HMCN1: variants seen among roughly 807,000 people sequenced by gnomAD.
HMCN1 encodes the protein hemicentin 1.
A neutral mutation model predicts 625.9 loss-of-function variants in HMCN1; 321 were observed. The observed-to-expected ratio is 0.51, with a 90% CI of 0.47 to 0.56. HMCN1 has a LOEUF of 0.56. HMCN1 is among the 20% of genes least tolerant of loss of function. HMCN1 has a pLI of 0.00. For missense variants in HMCN1, 6,588 were observed against 6,887.3 expected, an observed-to-expected ratio of 0.96 and a Z score of 1.54; for synonymous variants, 2,425 against 2,417.6, an observed-to-expected ratio of 1.00 and a Z score of -0.09.
chr1:186,068,044 C>G (rs766101949), intron 50 of HMCN1, 37 bp downstream of exon 50: 23 of 1,506,360 alleles, frequency 1.5e-5, no homozygotes, highest in Non-Finnish European at 2.1e-5. Flanking sequence ...GATGCATCTG[C>G]GTCATCTACT....
rs191395480 is a variant in HMCN1, at chr1:185,940,625, T to C, written c.1828+6801T>C. On this transcript the variant is annotated intron_variant, in intron 11 of 106. Transcript: ENST00000271588. ...ATTATAGCACACTCCCAAATCATGA[T>C]TGGGGCAGAACTTAACTTTAACAAA... Among the ~76,000 whole-genome samples the C allele has an allele frequency of 1.3e-3, 197 of 152,374 alleles. 1 individual carries two copies. The highest frequency in any genetic ancestry group is 1.9e-3 in the African/African-American group (79 of 41,592).
At chr1:185,802,488 T>C (rs1448850104) in intron 1 of HMCN1, among the ~76,000 whole-genome samples, 1 of 152,110 alleles carries the variant, frequency 6.6e-6, no homozygotes, top group Non-Finnish European at 1.5e-5. Context: ...AATAGGCCTT[T>C]AGGAGCTGTA....
At chr1:186,071,095 T>C (rs1034093828) in intron 52 of HMCN1, among the ~76,000 whole-genome samples, 2 of 152,156 alleles carry the variant, frequency 1.3e-5, no homozygotes, top group Non-Finnish European at 2.9e-5. Flanking sequence ...AGGGAAACAG[T>C]TCTTTTCATT....
chr1:186,187,780 A>G, intron 105 of HMCN1, 103 bp from the exon 106 acceptor site: 1 of 1,462,552 alleles, frequency 6.8e-7, no homozygotes, highest in South Asian at 1.1e-5. Context: ...ATGGCAGGAG[A>G]AGGCTAGCCC....
chr1:185,938,653 G>C (rs775244484), intron 11 of HMCN1, among the ~76,000 whole-genome samples: 1 of 152,006 alleles, frequency 6.6e-6, no homozygotes, highest in African/African-American at 2.4e-5. Flanking sequence ...CCAATTTTTG[G>C]CAGCATCATT....
rs143680184 is a variant in HMCN1 at position 185,754,720 on chromosome 1, T to C, written c.268+19673T>C. On this transcript the variant is annotated intron_variant, in intron 1 of 106. Coordinates refer to ENST00000271588, the MANE Select transcript of HMCN1 (RefSeq NM_031935.3). ...CAAATTAACCAGGCATGATGGCAGATGCCTGTAGTCCCAGCTACTTGGGAG... is the reference window on the plus strand; with the variant it reads ...CAAATTAACCAGGCATGATGGCAGACGCCTGTAGTCCCAGCTACTTGGGAG... Among the ~76,000 whole-genome samples, 1,406 of 152,214 alleles carry C rather than the reference T, an allele frequency of 9.2e-3. 19 individuals carry two copies. Among genetic ancestry groups the C allele is most frequent in the African/African-American group, 0.029 (1,222 of 41,532 alleles).
rs185950524 is a variant in HMCN1 at position 186,057,975 on chromosome 1, C to T, written c.7312+574C>T. Among the ~76,000 whole-genome samples the T allele has an allele frequency of 3.2e-3, 489 of 152,062 alleles. 2 individuals carry two copies. The highest frequency in any genetic ancestry group is 8.2e-3 in the Admixed American group (124 of 15,208). ...GCAAGCTGCAGAAATCTGCACTTGG[C>T]CCATTTTATTAATGACTTGGTTACA... On this transcript the variant is annotated intron_variant, in intron 46 of 106. Coordinates refer to ENST00000271588, the MANE Select transcript of HMCN1 (RefSeq NM_031935.3).
chr1:186,042,861 A>G (rs2102241443), intron 40 of HMCN1, among the ~76,000 whole-genome samples: 1 of 152,232 alleles, frequency 6.6e-6, no homozygotes, highest in Middle Eastern at 3.4e-3. Context: ...TCCCAGAGAT[A>G]AATCACCTTC....
chr1:186,091,575 T>C (rs1291477585), intron 64 of HMCN1, among the ~76,000 whole-genome samples: 1 of 151,996 alleles, frequency 6.6e-6, no homozygotes, highest in African/African-American at 2.4e-5. Context: ...TGGCACTTGC[T>C]ACCCATGCCA....
intron 48 of HMCN1, among the ~76,000 whole-genome samples, chr1:186,063,465 G>A (rs183116340): frequency 7.9e-4 from 60 of 76,424 alleles, no homozygotes; most frequent in South Asian, 1.2e-3. Context: ...AAGGAAGGAA[G>A]GAAGGAAGGA....
chr1:186,088,046 C>T (rs773394025), intron 61 of HMCN1, 33 bp downstream of exon 61: 2 of 1,611,646 alleles, frequency 1.2e-6, no homozygotes, highest in Non-Finnish European at 1.7e-6. Context: ...ACTCTTTTTC[C>T]CCTAGATATG....
At chr1:185,913,981 A>G (rs1244736516) in intron 6 of HMCN1, among the ~76,000 whole-genome samples, 1 of 152,108 alleles carries the variant, frequency 6.6e-6, no homozygotes, top group Non-Finnish European at 1.5e-5. Flanking sequence ...CCTATAATTA[A>G]GGGAACAATA....
chr1:185,914,676 A>G (rs1299526230), intron 6 of HMCN1, among the ~76,000 whole-genome samples: 2 of 151,762 alleles, frequency 1.3e-5, no homozygotes, highest in African/African-American at 2.4e-5. Flanking sequence ...ACTATCCCAC[A>G]AAGTTCAGCT....
At chr1:185,902,425 A>C (rs112241994) in intron 4 of HMCN1, among the ~76,000 whole-genome samples, 1 of 135,600 alleles carries the variant, frequency 7.4e-6, no homozygotes, top group African/African-American at 3.8e-5. Flanking sequence ...CTATCTATCT[A>C]TCTATCTATC....
intron 70 of HMCN1, among the ~76,000 whole-genome samples, chr1:186,107,246 C>T (rs554142501): frequency 5.9e-5 from 9 of 152,066 alleles, no homozygotes; most frequent in East Asian, 3.9e-4. Context: ...CCACCACGCC[C>T]GGCTAATTTT....
At position 186,061,963 on chromosome 1, in the gene HMCN1, A is replaced by G; in HGVS notation, c.7425A>G (p.Leu2475=). ...GAAAAATCTTTGGGCTTTCAGTATT[A>G]GGTACTTATATAGTTTGCAATATCT... is the stretch of plus-strand genomic sequence containing the variant. ...EERKIFGLSV[L]VPPHIVGENT... The change falls in exon 47 of 107, where the codon TTA becomes TTG. Residue 2475 remains leucine (L), a splice_region_variant and synonymous_variant. Coordinates refer to ENST00000271588, the MANE Select transcript of HMCN1 (RefSeq NM_031935.3). The G allele has an allele frequency of 6.4e-7, 1 of 1,567,844 alleles. No individual in the cohort carries two copies. The highest frequency in any genetic ancestry group is 2.2e-5 in the East Asian group (1 of 44,586).
chr1:186,162,237 C>T (rs752274182), intron 97 of HMCN1, among the ~76,000 whole-genome samples: 12 of 152,170 alleles, frequency 7.9e-5, no homozygotes, highest in Admixed American at 2.6e-4. Flanking sequence ...GCATTCTTCA[C>T]GTAGTTCTCG....
At position 186,136,781 on chromosome 1, in the gene HMCN1, C is replaced by T; in HGVS notation, c.13426C>T (p.Gln4476Ter). The stretch of plus-strand genomic sequence containing the variant: ...TCAACCAACCATTACATGGTCCCGT[C>T]AAGGGCACTCTATTTCCTGGGATGA... ...EPQPTITWSRQGHSISWDDRV... is the reference protein window; with the variant it reads ...EPQPTITWSR The change falls in exon 87 of 107, where the codon CAA (glutamine) becomes TAA (stop). Residue 4476 changes from glutamine (Q) to a stop codon, truncating the protein, a stop_gained. Coordinates refer to ENST00000271588, the MANE Select transcript of HMCN1 (RefSeq NM_031935.3). LOFTEE classifies it high-confidence loss of function. The T allele has an allele frequency of 6.2e-7, 1 of 1,614,010 alleles. No homozygotes were observed. Among genetic ancestry groups the T allele is most frequent in the Non-Finnish European group, 8.5e-7 (1 of 1,179,954 alleles).
chr1:186,172,251 C>A, intron 102 of HMCN1, 120 bp downstream of exon 102: 1 of 1,354,030 alleles, frequency 7.4e-7, no homozygotes, highest in Non-Finnish European at 1.0e-6. Flanking sequence ...CTTTCTTTTT[C>A]CATAAGTACT....
Sources: allele counts gnomAD v4.1 joint callset (sites outside exome capture counted in the v4.1 genomes callset), GRCh38; gene constraint gnomAD v4.1.1; transcripts MANE v1.5; gene names NCBI Gene and HGNC (gene_info 2026-07-23, HGNC 2026-07-21).